FARS2: variants seen among roughly 807,000 people sequenced by gnomAD.
FARS2 encodes phenylalanine--tRNA ligase, mitochondrial.
Under a neutral mutation model 46.4 loss-of-function variants are expected in FARS2, and 40 were observed. The ratio of observed to expected loss-of-function variants is 0.86; its 90% confidence interval spans 0.67 to 1.12. The LOEUF is 1.12. FARS2 is among the 50% of genes most tolerant of loss of function. The pLI, the probability that FARS2 is intolerant of heterozygous loss-of-function variation, is 0.00. For missense variants in FARS2, 513 were observed against 567.9 expected, an observed-to-expected ratio of 0.90 and a Z score of 0.98; for synonymous variants, 234 against 214.9, an observed-to-expected ratio of 1.09 and a Z score of -0.78.
chr6:5,332,267 G>C (rs1056881021), intron 1 of FARS2, among the ~76,000 whole-genome samples: 5 of 152,202 alleles, frequency 3.3e-5, no homozygotes, highest in Admixed American at 3.3e-4. Context: ...ATGAAGCCAC[G>C]CACTTTGCAG....
intron 6 of FARS2, among the ~76,000 whole-genome samples, chr6:5,620,757 G>A (rs1285347180): frequency 1.3e-5 from 2 of 152,210 alleles, no homozygotes; most frequent in Non-Finnish European, 2.9e-5. Flanking sequence ...TCAACAAAGG[G>A]ACCGGATTAG....
chr6:5,276,066 C>A (rs891568308), intron 1 of FARS2, among the ~76,000 whole-genome samples: 8 of 152,146 alleles, frequency 5.3e-5, no homozygotes, highest in African/African-American at 1.9e-4. Flanking sequence ...TTTGGAAACC[C>A]TATTTTCTTT....
intron 2 of FARS2, among the ~76,000 whole-genome samples, chr6:5,387,945 A>G (rs1340431926): frequency 6.6e-6 from 1 of 152,250 alleles, no homozygotes; most frequent in Non-Finnish European, 1.5e-5. Context: ...TTGCAAAGAA[A>G]GTACAGAAAG....
chr6:5,369,240 T>C lies in FARS2; in HGVS notation c.612+58T>C, dbSNP rs1758884885. 7 of 1,537,538 alleles carry C rather than the reference T, an allele frequency of 4.6e-6. No individual in the cohort carries two copies. The South Asian group carries it at 8.4e-5, about 18-fold the overall frequency. ...ATGTCATAGACATTTTATGTTGAGG[T>C]CACTAACATTTAGCTCGATGAGACC... On this transcript the variant is annotated intron_variant, in intron 2 of 6. Coordinates refer to ENST00000274680, the MANE Select transcript of FARS2 (RefSeq NM_006567.5).
chr6:5,454,070 A>G (rs1764671946), intron 4 of FARS2, among the ~76,000 whole-genome samples: 1 of 151,940 alleles, frequency 6.6e-6, no homozygotes, highest in African/African-American at 2.4e-5. Flanking sequence ...AAAATTGATT[A>G]TTTTGACAAA....
At chr6:5,683,987 A>G (rs561593741) in intron 6 of FARS2, among the ~76,000 whole-genome samples, 1 of 152,292 alleles carries the variant, frequency 6.6e-6, no homozygotes, top group African/African-American at 2.4e-5. Flanking sequence ...TCCATGGTGT[A>G]TATGTGCCAC....
Position 5,654,794 on chromosome 6 carries a change from C to T in FARS2, c.1217+41474C>T, listed in dbSNP as rs374829180. Among the ~76,000 whole-genome samples, 26 of 152,246 alleles carry T rather than the reference C, an allele frequency of 1.7e-4. 1 individual carries two copies. In the South Asian group the frequency reaches 5.2e-3, roughly 30 times the overall value. On this transcript the variant is annotated intron_variant, in intron 6 of 6. Coordinates refer to ENST00000274680, the MANE Select transcript of FARS2 (RefSeq NM_006567.5). ...ACCGGCCCACTTATACGTGGATTTT[C>T]TTCCGCCTCTGCCACCCCTAAGACA...
chr6:5,315,709 T>C (rs565996602), intron 1 of FARS2, among the ~76,000 whole-genome samples: 1 of 151,700 alleles, frequency 6.6e-6, no homozygotes, highest in African/African-American at 2.4e-5. Flanking sequence ...AAAGCGTATA[T>C]TGATTTCTCT....
At chr6:5,529,529 A>G (rs1191102827) in intron 4 of FARS2, among the ~76,000 whole-genome samples, 2 of 152,072 alleles carry the variant, frequency 1.3e-5, no homozygotes, top group African/African-American at 4.8e-5. Context: ...GATGGTCTCA[A>G]TCTCTTGACC....
intron 4 of FARS2, among the ~76,000 whole-genome samples, chr6:5,510,605 G>A (rs887324724): frequency 1.3e-5 from 2 of 152,224 alleles, no homozygotes; most frequent in African/African-American, 4.8e-5. Flanking sequence ...CGGAGCCTGT[G>A]TCTCACTCAT....
At chr6:5,595,657 CA>C (rs1774156925) in intron 5 of FARS2, among the ~76,000 whole-genome samples, 1 of 152,144 alleles carries the variant, frequency 6.6e-6, no homozygotes, top group Non-Finnish European at 1.5e-5. Context: ...TGGTCATTGC[CA>C]CAGCTTGAGG....
chr6:5,399,341 A>G (rs141081700), intron 2 of FARS2, among the ~76,000 whole-genome samples: 2,116 of 151,776 alleles, frequency 0.014, 55 homozygotes, highest in African/African-American at 0.048. Context: ...CGCCTGGCTA[A>G]TTTTTGTATT....
chr6:5,522,933 G>A (rs1019771512), intron 4 of FARS2, among the ~76,000 whole-genome samples: 5 of 152,176 alleles, frequency 3.3e-5, no homozygotes, highest in African/African-American at 9.7e-5. Flanking sequence ...AGGAGACAAG[G>A]CCAGATATGG....
At chr6:5,332,327 C>T (rs1755687771) in intron 1 of FARS2, among the ~76,000 whole-genome samples, 1 of 152,216 alleles carries the variant, frequency 6.6e-6, no homozygotes, top group Non-Finnish European at 1.5e-5. Flanking sequence ...TCCAAAATGA[C>T]TTAATTGAAA....
At chr6:5,514,946 T>C (rs1768694413) in intron 4 of FARS2, among the ~76,000 whole-genome samples, 1 of 127,846 alleles carries the variant, frequency 7.8e-6, no homozygotes, top group African/African-American at 2.6e-5. Flanking sequence ...TTTTTGTTTT[T>C]TGTTTTTTTT....
chr6:5,696,497 A>G (rs1345108660), intron 6 of FARS2, among the ~76,000 whole-genome samples: 2 of 152,162 alleles, frequency 1.3e-5, no homozygotes, highest in Non-Finnish European at 2.9e-5. Context: ...TAAATATTCC[A>G]CAATAGGTAT....
chr6:5,460,582 C>T (rs1419308609), intron 4 of FARS2, among the ~76,000 whole-genome samples: 2 of 152,274 alleles, frequency 1.3e-5, no homozygotes, highest in African/African-American at 4.8e-5. Flanking sequence ...GGGAGGGAGT[C>T]AGGAGGCCGC....
chr6:5,671,260 G>T (rs1009778990), intron 6 of FARS2, among the ~76,000 whole-genome samples: 4 of 152,206 alleles, frequency 2.6e-5, no homozygotes, highest in African/African-American at 9.7e-5. Context: ...AGAAAAATGA[G>T]GCTTCATGGC....
chr6:5,497,610 A>G (rs1337462832), intron 4 of FARS2, among the ~76,000 whole-genome samples: 1 of 152,232 alleles, frequency 6.6e-6, no homozygotes, highest in African/African-American at 2.4e-5. Context: ...ATTAACTGTT[A>G]TCATGGTAAA....
Sources: gnomAD v4.1 joint callset for allele counts (sites outside exome capture counted in the v4.1 genomes callset) on GRCh38, gnomAD v4.1.1 for gene constraint, MANE v1.5 for transcripts, NCBI Gene and HGNC (gene_info 2026-07-23, HGNC 2026-07-21) for gene names.